Variants in SCN9A observed in about 807,000 individuals in gnomAD.
The protein encoded by SCN9A is sodium voltage-gated channel alpha subunit 9.
In SCN9A, 131 loss-of-function variants were observed where a neutral mutation model predicts 187.0. The ratio of observed to expected loss-of-function variants is 0.70; its 90% CI spans 0.61 to 0.81. The LOEUF (loss-of-function observed/expected upper bound fraction) is 0.81. SCN9A is among the 30% of genes least tolerant of loss of function. The probability of loss-of-function intolerance (pLI) is 0.00; values close to 1 mark genes in which losing one functional copy is unlikely to be tolerated. For missense variants in SCN9A, 2,252 were observed against 2,396.6 expected, an observed-to-expected ratio of 0.94 and a Z score of 1.26; for synonymous variants, 809 against 808.6, an observed-to-expected ratio of 1.00 and a Z score of -0.01.
At chr2:166,303,391 A>G (rs1171015174) in intron 6 of SCN9A, 89 bp from the exon 7 acceptor site, 2 of 1,020,840 alleles carry the variant, frequency 2.0e-6, no homozygotes, top group Non-Finnish European at 2.9e-6. Context: ...GTCATGCATT[A>G]TATCAAATCA....
chr2:166,365,202 A>C (rs1410212512), intron 1 of SCN9A, among the ~76,000 whole-genome samples: 1 of 152,224 alleles, frequency 6.6e-6, no homozygotes, highest in African/African-American at 2.4e-5. Flanking sequence ...AATCCATTAC[A>C]GACAGGAAGA....
chr2:166,269,296 T>C (rs1696874388), intron 17 of SCN9A, among the ~76,000 whole-genome samples: 1 of 151,986 alleles, frequency 6.6e-6, no homozygotes, highest in Admixed American at 6.6e-5. Flanking sequence ...AAAATACAAA[T>C]AAAATCACTA....
At chr2:166,310,689 C>A (rs868101636) in intron 2 of SCN9A, among the ~76,000 whole-genome samples, 2 of 132,838 alleles carry the variant, frequency 1.5e-5, no homozygotes, top group Admixed American at 7.5e-5. Flanking sequence ...GTCAGTGTGG[C>A]GATTCCTCAG....
intron 5 of SCN9A, 27 bp from the exon 6 acceptor site, chr2:166,304,356 G>A: frequency 6.3e-7 from 1 of 1,584,256 alleles, no homozygotes; most frequent in African/African-American, 1.3e-5. Context: ...GAATTATTCA[G>A]AATTTAGATA....
intron 12 of SCN9A, among the ~76,000 whole-genome samples, chr2:166,283,450 T>C (rs901035517): frequency 2.0e-5 from 3 of 152,174 alleles, no homozygotes; most frequent in Non-Finnish European, 4.4e-5. Context: ...TTGAAGCTTA[T>C]TGGGTTAGTC....
chr2:166,265,585 T>C (rs971778362), intron 17 of SCN9A, among the ~76,000 whole-genome samples: 2 of 151,994 alleles, frequency 1.3e-5, no homozygotes, highest in Non-Finnish European at 2.9e-5. Context: ...TTACTTAGTA[T>C]TGGGACTGCT....
At chr2:166,209,585 TC>T (rs1693982186) in intron 24 of SCN9A, among the ~76,000 whole-genome samples, 1 of 140,124 alleles carries the variant, frequency 7.1e-6, no homozygotes, top group Admixed American at 7.4e-5. Context: ...GCAGACTTGA[TC>T]AAACTGGAGA....
intron 14 of SCN9A, 137 bp from the exon 15 acceptor site, chr2:166,278,450 T>A: frequency 2.8e-6 from 2 of 715,422 alleles, no homozygotes; most frequent in Non-Finnish European, 4.4e-6. Flanking sequence ...TATTCTTATC[T>A]AACTTAGTCC....
At chr2:166,239,230 A>G (rs1047444320) in intron 19 of SCN9A, among the ~76,000 whole-genome samples, 2 of 151,772 alleles carry the variant, frequency 1.3e-5, no homozygotes, top group Admixed American at 1.3e-4. Context: ...CTCAAAAAAA[A>G]AAAAAAAAAA....
At chr2:166,348,318 A>G (rs961107198) in intron 1 of SCN9A, among the ~76,000 whole-genome samples, 1 of 152,024 alleles carries the variant, frequency 6.6e-6, no homozygotes, top group East Asian at 1.9e-4. Flanking sequence ...CTAATTTTTC[A>G]TATACTCTTA....
chr2:166,289,319 A>G (rs949688510), intron 9 of SCN9A, among the ~76,000 whole-genome samples: 1 of 151,140 alleles, frequency 6.6e-6, no homozygotes, highest in Admixed American at 6.6e-5. Context: ...TATGTCTCCT[A>G]ATGCTATTCC....
At chr2:166,261,079 T>A (rs1211991077) in intron 17 of SCN9A, among the ~76,000 whole-genome samples, 1 of 151,930 alleles carries the variant, frequency 6.6e-6, no homozygotes. Context: ...TTGATGCATA[T>A]TATTCCAAAT....
At chr2:166,232,206 C>G (rs74932980) in intron 21 of SCN9A, among the ~76,000 whole-genome samples, 1 of 152,058 alleles carries the variant, frequency 6.6e-6, no homozygotes, top group Non-Finnish European at 1.5e-5. Flanking sequence ...AGTTGTTGTC[C>G]TCCATGTGTG....
intron 1 of SCN9A, among the ~76,000 whole-genome samples, chr2:166,316,213 T>C (rs2105236162): frequency 6.6e-6 from 1 of 152,252 alleles, no homozygotes; most frequent in Non-Finnish European, 1.5e-5. Context: ...TATCTAAAAA[T>C]ACAAATGGTT....
At chr2:166,208,905 A>C (rs892159182) in intron 24 of SCN9A, among the ~76,000 whole-genome samples, 1 of 152,192 alleles carries the variant, frequency 6.6e-6, no homozygotes, top group Non-Finnish European at 1.5e-5. Context: ...CTAGGGGCTA[A>C]TTTATTCATT....
chr2:166,290,438 T>C lies in SCN9A; in HGVS notation c.1108-1795A>G, dbSNP rs569820010. On this transcript the variant is annotated intron_variant, in intron 9 of 26. Transcript: ENST00000642356. ...ATTCGTTTCGGTATATACCCAGTAA[T>C]GGGATTGCTAGGTCAAATGGTATTT... Among the ~76,000 whole-genome samples the C allele has an allele frequency of 2.0e-5, 3 of 152,284 alleles. No homozygotes were observed. In the East Asian group the frequency reaches 5.8e-4, roughly 29 times the overall value.
At chr2:166,201,375 TCTATATAGCATATAGTATGCATATACG>T (rs1314322641) in intron 26 of SCN9A, among the ~76,000 whole-genome samples, 19 of 148,318 alleles carry the variant, frequency 1.3e-4, no homozygotes, top group Non-Finnish European at 2.2e-4. Context: ...ATGCGTATAC[TCTATATAGCATATAGTATGCATATACG>T]CTATATAGCA....
chr2:166,238,324 T>A lies in SCN9A; in HGVS notation c.3628-57A>T, dbSNP rs74532817. ...CACAACTTAAGCTTCATGATTCATT[T>A]AAAAAAAACAGGAAAAATACAATTC... is the stretch of plus-strand genomic sequence containing the variant. On this transcript the variant is annotated intron_variant, in intron 19 of 26. Coordinates refer to ENST00000642356, the MANE Select transcript of SCN9A (RefSeq NM_001365536.1). The A allele has an allele frequency of 7.7e-3, 8,796 of 1,144,472 alleles. 529 individuals are homozygous for A. In the African/African-American group the frequency reaches 0.12, roughly 16 times the overall value. 70.9% of individuals were successfully genotyped at this position (1,144,472 alleles called of 1,614,324 possible). A position where few individuals can be genotyped will look rare whatever the true frequency, so the allele number is the denominator to read the frequency against.
chr2:166,259,321 A>T (rs1696408630), intron 17 of SCN9A: 1 of 151,702 alleles, frequency 6.6e-6, no homozygotes, highest in Admixed American at 6.6e-5. Context: ...GAATTTTAGA[A>T]ATGCAGCATG....
Sources: allele counts gnomAD v4.1 joint callset (sites outside exome capture counted in the v4.1 genomes callset), GRCh38; gene constraint gnomAD v4.1.1; transcripts MANE v1.5; gene names NCBI Gene and HGNC (gene_info 2026-07-23, HGNC 2026-07-21).